Variants in PPP4R3B observed in about 807,000 individuals in gnomAD.
PPP4R3B encodes serine/threonine-protein phosphatase 4 regulatory subunit 3B.
PPP4R3B carries 52 observed loss-of-function variants against 95.4 expected under a neutral mutation model. The ratio of observed to expected loss-of-function variants is 0.54; its 90% CI spans 0.44 to 0.69. The LOEUF is 0.69. Among genes scored for constraint, PPP4R3B ranks in the 30% least tolerant of loss-of-function variants. The pLI is 0.00. For synonymous variants in PPP4R3B, 407 were observed against 343.9 expected, an observed-to-expected ratio of 1.18 and a Z score of -2.03; for missense variants, 1,003 against 1,005.9, an observed-to-expected ratio of 1.00 and a Z score of 0.04.
intron 2 of PPP4R3B, among the ~76,000 whole-genome samples, chr2:55,612,732 C>T (rs1356524757): frequency 6.6e-6 from 1 of 152,034 alleles, no homozygotes; most frequent in East Asian, 1.9e-4. Flanking sequence ...ATCACGAGGT[C>T]AGGAGATCGA....
At chr2:55,598,264 T>C in intron 4 of PPP4R3B, 152 bp downstream of exon 4, 1 of 777,758 alleles carries the variant, frequency 1.3e-6, no homozygotes. Context: ...AGACATAAAG[T>C]CCCAATTTCT....
At chr2:55,589,258 C>T (rs1054217298) in intron 4 of PPP4R3B, among the ~76,000 whole-genome samples, 1 of 152,072 alleles carries the variant, frequency 6.6e-6, no homozygotes, top group African/African-American at 2.4e-5. Flanking sequence ...GATTCTCTAG[C>T]CCCCTTTCAG....
At chr2:55,611,477 G>A (rs1348050700) in intron 2 of PPP4R3B, among the ~76,000 whole-genome samples, 1 of 152,252 alleles carries the variant, frequency 6.6e-6, no homozygotes, top group South Asian at 2.1e-4. Flanking sequence ...AGTTTATTGG[G>A]TAAGTACATC....
At chr2:55,608,180 T>C (rs1226244548) in intron 2 of PPP4R3B, among the ~76,000 whole-genome samples, 1 of 152,138 alleles carries the variant, frequency 6.6e-6, no homozygotes, top group Non-Finnish European at 1.5e-5. Flanking sequence ...AATTTTTGTA[T>C]TTTTAGTAGA....
intron 3 of PPP4R3B, among the ~76,000 whole-genome samples, chr2:55,599,604 A>G (rs905245341): frequency 5.9e-5 from 9 of 152,198 alleles, no homozygotes; most frequent in African/African-American, 2.2e-4. Context: ...AAATTTTAGG[A>G]TTGTATTACT....
At chr2:55,609,829 T>G (rs75403936) in intron 2 of PPP4R3B, among the ~76,000 whole-genome samples, 1 of 152,120 alleles carries the variant, frequency 6.6e-6, no homozygotes, top group East Asian at 1.9e-4. Context: ...TACAATTGTA[T>G]GCATATTTGC....
chr2:55,578,517 G>A (rs1689000273), intron 9 of PPP4R3B, among the ~76,000 whole-genome samples, 175 bp from the exon 10 acceptor site: 1 of 151,862 alleles, frequency 6.6e-6, no homozygotes, highest in African/African-American at 2.4e-5. Flanking sequence ...AACCCTCTGC[G>A]ATGTGCTTTT....
In PPP4R3B at chr2:55,558,852, C is replaced by G. The variant is rs949817078; in HGVS notation, c.2377G>C (p.Ala793Pro). 1.2e-5 allele frequency: 20 copies of G among 1,613,766 alleles called. No homozygotes were observed. Among genetic ancestry groups the G allele is most frequent in the Non-Finnish European group, 1.5e-5 (18 of 1,179,890 alleles). The change falls in exon 16 of 17, where the codon GCT becomes CCT. Residue 793 changes from alanine (A) to proline (P), a missense_variant. Ala to Pro is a conservative substitution (Grantham distance 27). Coordinates refer to ENST00000616407, the MANE Select transcript of PPP4R3B (RefSeq NM_001122964.3). Reference protein sequence around the residue: ...ANGTNSKSVVAQIPPATSNGS... With the variant: ...ANGTNSKSVVPQIPPATSNGS... ...TTAGAAGTTGCTGGTGGTATCTGAG[C>G]CACTACAGATTTACTGTTTGTTCCA...
chr2:55,595,949 A>C (rs896808308), intron 4 of PPP4R3B, among the ~76,000 whole-genome samples: 7 of 152,296 alleles, frequency 4.6e-5, no homozygotes, highest in African/African-American at 1.4e-4. Flanking sequence ...AGTATAGGCT[A>C]CTGTTACAAG....
Position 55,549,781 on chromosome 2 carries a change from T to G in PPP4R3B, c.*130A>C. On this transcript the variant is annotated 3_prime_UTR_variant, in exon 17 of 17. Coordinates refer to ENST00000616407, the MANE Select transcript of PPP4R3B (RefSeq NM_001122964.3). ...ATTAGAACTAAACTCTCTTAGCTGATATACTGTCTTTTGCTACTCCTTGTA... is the reference window on the plus strand; with the variant it reads ...ATTAGAACTAAACTCTCTTAGCTGAGATACTGTCTTTTGCTACTCCTTGTA... The G allele has an allele frequency of 1.4e-6, 1 of 718,432 alleles. No individual in the cohort carries two copies. The highest frequency in any genetic ancestry group is 2.4e-6 in the Non-Finnish European group (1 of 414,308). The allele number at this position is 718,432 out of a possible 1,614,324, so 44.5% of individuals were successfully genotyped here.
At chr2:55,602,961 T>C (rs1016311347) in intron 3 of PPP4R3B, among the ~76,000 whole-genome samples, 10 of 144,974 alleles carry the variant, frequency 6.9e-5, no homozygotes. Flanking sequence ...ACGAATACTC[T>C]TTTTTTTTTT....
chr2:55,580,340 C>T (rs532157487), intron 8 of PPP4R3B, among the ~76,000 whole-genome samples: 2 of 152,124 alleles, frequency 1.3e-5, no homozygotes, highest in Non-Finnish European at 2.9e-5. Context: ...CACTATTGAT[C>T]CCATTTGTCT....
chr2:55,617,542 G>C lies in PPP4R3B; in HGVS notation c.-257C>G. ...CACTCTCCCGTCTCTTTGCCCCCCA[G>C]GGCTCGCTTGCTCTCCCGCCGCCGC... On this transcript the variant is annotated 5_prime_UTR_variant, in exon 1 of 17. Coordinates refer to ENST00000616407, the MANE Select transcript of PPP4R3B (RefSeq NM_001122964.3). 2.5e-6 allele frequency: 1 copy of C among 393,040 alleles called. No individual in the cohort carries two copies. The highest frequency in any genetic ancestry group is 4.6e-6 in the Non-Finnish European group (1 of 218,676). 24.3% of individuals were successfully genotyped at this position (393,040 alleles called of 1,614,324 possible).
chr2:55,610,525 T>C (rs1694017743), intron 2 of PPP4R3B, among the ~76,000 whole-genome samples: 3 of 152,342 alleles, frequency 2.0e-5, no homozygotes, highest in South Asian at 4.1e-4. Context: ...GAATGAAGTT[T>C]TTCTTAATGA....
intron 13 of PPP4R3B, among the ~76,000 whole-genome samples, chr2:55,567,085 G>A (rs1386604783): frequency 6.6e-6 from 1 of 152,204 alleles, no homozygotes; most frequent in African/African-American, 2.4e-5. Flanking sequence ...ATTTCGGTGT[G>A]TTTAAGTACA....
intron 7 of PPP4R3B, among the ~76,000 whole-genome samples, chr2:55,583,541 A>G (rs1411634468): frequency 2.0e-5 from 3 of 152,348 alleles, no homozygotes; most frequent in Non-Finnish European, 4.4e-5. Flanking sequence ...TCTGAGATTG[A>G]TTCATGGTCA....
chr2:55,571,497 G>T (rs1217472684), intron 12 of PPP4R3B, among the ~76,000 whole-genome samples: 2 of 152,044 alleles, frequency 1.3e-5, no homozygotes, highest in Non-Finnish European at 2.9e-5. Flanking sequence ...CAGTTATCAT[G>T]AAAGAAAAAA....
At chr2:55,576,766 T>C (rs1324851334) in intron 11 of PPP4R3B, among the ~76,000 whole-genome samples, 1 of 152,240 alleles carries the variant, frequency 6.6e-6, no homozygotes, top group Non-Finnish European at 1.5e-5. Context: ...TTCATCTTTA[T>C]AACGGGGACA....
intron 4 of PPP4R3B, 107 bp downstream of exon 4, chr2:55,598,309 A>T: frequency 2.5e-6 from 3 of 1,185,094 alleles, no homozygotes; most frequent in Non-Finnish European, 3.5e-6. Context: ...TAGTACATTT[A>T]AACAAAATAA....
Sources: allele counts gnomAD v4.1 joint callset (sites outside exome capture counted in the v4.1 genomes callset), GRCh38; gene constraint gnomAD v4.1.1; transcripts MANE v1.5; gene names NCBI Gene and HGNC (gene_info 2026-07-23, HGNC 2026-07-21).